RBL1: variants seen among roughly 807,000 people sequenced by gnomAD.
RBL1 encodes the protein retinoblastoma-like protein 1.
Under a neutral mutation model 123.0 loss-of-function variants are expected in RBL1, and 82 were observed. That is an observed-to-expected ratio of 0.67 (90% CI 0.56 to 0.80). RBL1 has a LOEUF of 0.80. RBL1 is among the 30% of genes least tolerant of loss of function. RBL1 has a pLI of 0.00. For synonymous variants in RBL1, 405 were observed against 441.3 expected, an observed-to-expected ratio of 0.92 and a Z score of 1.03; for missense variants, 1,171 against 1,299.6, an observed-to-expected ratio of 0.90 and a Z score of 1.52.
At chr20:37,036,087 G>A (rs1178355990) in intron 14 of RBL1, among the ~76,000 whole-genome samples, 1 of 152,100 alleles carries the variant, frequency 6.6e-6, no homozygotes, top group Non-Finnish European at 1.5e-5. Flanking sequence ...CAAAAATAAA[G>A]TAAGGATTAT....
chr20:37,080,228 C>T (rs2065426697), intron 2 of RBL1, among the ~76,000 whole-genome samples: 1 of 151,072 alleles, frequency 6.6e-6, no homozygotes, highest in South Asian at 2.1e-4. Flanking sequence ...GCAATCTTGG[C>T]TCACTGCCAC....
chr20:37,000,625 C>T (rs1426684558), intron 21 of RBL1, among the ~76,000 whole-genome samples: 2 of 142,648 alleles, frequency 1.4e-5, no homozygotes, highest in African/African-American at 5.2e-5. Context: ...GGCCAGCCGC[C>T]ACATCCGGGA....
intron 13 of RBL1, among the ~76,000 whole-genome samples, chr20:37,043,245 T>C (rs928469339): frequency 2.0e-5 from 3 of 151,002 alleles, no homozygotes; most frequent in Non-Finnish European, 4.4e-5. Flanking sequence ...TCCCAGCACT[T>C]TGGGAGGCTG....
intron 9 of RBL1, 142 bp from the exon 10 acceptor site, chr20:37,056,400 G>A: frequency 1.5e-6 from 2 of 1,299,636 alleles, no homozygotes; most frequent in Non-Finnish European, 2.0e-6. Context: ...TGTAACCCAG[G>A]CTGGAGTGCA....
chr20:37,088,895 A>C (rs969788754), intron 2 of RBL1, 94 bp downstream of exon 2: 1 of 847,246 alleles, frequency 1.2e-6, no homozygotes, highest in African/African-American at 1.8e-5. Context: ...AAATAAAATA[A>C]AAATTAAATG....
chr20:37,028,779 C>A (rs1034696922), intron 16 of RBL1, among the ~76,000 whole-genome samples: 1 of 152,108 alleles, frequency 6.6e-6, no homozygotes, highest in African/African-American at 2.4e-5. Flanking sequence ...AGAATCAAAC[C>A]CTGTGAGCCT....
chr20:37,088,485 A>G (rs1489441284), intron 2 of RBL1, among the ~76,000 whole-genome samples: 2 of 152,188 alleles, frequency 1.3e-5, no homozygotes, highest in Admixed American at 6.6e-5. Context: ...GATTCAACAC[A>G]GAGGTTTCTA....
At chr20:37,054,504 T>A in intron 11 of RBL1, among the ~76,000 whole-genome samples, 2 of 150,844 alleles carry the variant, frequency 1.3e-5, no homozygotes, top group Admixed American at 1.3e-4. Flanking sequence ...TAAATAAAAT[T>A]AAAAAAATTA....
chr20:37,044,118 C>A lies in RBL1; in HGVS notation c.1738G>T (p.Val580Phe), dbSNP rs1402527660. ...CAGGTAGGAACTTTGTTTGCAGAAACCTGGAGAGCCTCCCACAGTGCAGAA... is the reference window on the plus strand; with the variant it reads ...CAGGTAGGAACTTTGTTTGCAGAAAACTGGAGAGCCTCCCACAGTGCAGAA... Reference protein sequence around the residue: ...HDSALWEALQVSANKVPTCEE... With the variant: ...HDSALWEALQFSANKVPTCEE... The change falls in exon 13 of 22, where the codon GTT (valine) becomes TTT (phenylalanine). Residue 580 changes from valine to phenylalanine, a missense_variant. Coordinates refer to ENST00000373664, the MANE Select transcript of RBL1 (RefSeq NM_002895.5). 3.1e-6 allele frequency: 5 copies of A among 1,607,876 alleles called. No homozygotes were observed. The highest frequency in any genetic ancestry group is 3.4e-6 in the Non-Finnish European group (4 of 1,177,332).
intron 2 of RBL1, among the ~76,000 whole-genome samples, chr20:37,082,437 A>G (rs1027577515): frequency 1.3e-5 from 2 of 152,024 alleles, no homozygotes; most frequent in Admixed American, 6.6e-5. Flanking sequence ...TATGAATTTT[A>G]TGTTATATAT....
chr20:37,089,659 T>TAA (rs542194813), intron 1 of RBL1, among the ~76,000 whole-genome samples: 1,761 of 135,496 alleles, frequency 0.013, 40 homozygotes, highest in African/African-American at 0.045. Context: ...TCCTGTCTCT[T>TAA]AAAAAAAAAA....
At chr20:37,062,645 CAAAAAAAAA>C (rs60370479) in intron 7 of RBL1, among the ~76,000 whole-genome samples, 1 of 40,110 alleles carries the variant, frequency 2.5e-5, no homozygotes, top group African/African-American at 1.0e-4. Flanking sequence ...GACTCTGTCT[CAAAAAAAAA>C]AAAAAAAAAA....
intron 9 of RBL1, among the ~76,000 whole-genome samples, chr20:37,060,521 A>G (rs895038436): frequency 2.0e-5 from 3 of 152,074 alleles, no homozygotes; most frequent in Non-Finnish European, 2.9e-5. Flanking sequence ...ATGGTCGCTC[A>G]TGCCTGTAAT....
At chr20:37,070,503 A>G (rs1029711330) in intron 2 of RBL1, among the ~76,000 whole-genome samples, 1 of 152,040 alleles carries the variant, frequency 6.6e-6, no homozygotes, top group African/African-American at 2.4e-5. Flanking sequence ...AACATAAAAT[A>G]AAATAAAATT....
intron 19 of RBL1, among the ~76,000 whole-genome samples, chr20:37,012,099 G>A (rs1023966391): frequency 6.6e-6 from 1 of 152,190 alleles, no homozygotes; most frequent in East Asian, 1.9e-4. Flanking sequence ...TCCTAACCGC[G>A]AGTGATCCGC....
At chr20:37,031,203 T>A (rs964929377) in intron 16 of RBL1, among the ~76,000 whole-genome samples, 5 of 152,136 alleles carry the variant, frequency 3.3e-5, no homozygotes, top group African/African-American at 1.2e-4. Context: ...TTGACTTTAT[T>A]AAGATTAAAA....
chr20:37,046,646 C>T (rs746018314), intron 12 of RBL1, among the ~76,000 whole-genome samples: 1 of 148,250 alleles, frequency 6.7e-6, no homozygotes, highest in African/African-American at 2.5e-5. Context: ...TTGCTCCTGT[C>T]GTCTAGGCTG....
At chr20:37,048,020 T>C (rs188149173) in intron 11 of RBL1, among the ~76,000 whole-genome samples, 376 of 151,698 alleles carry the variant, frequency 2.5e-3, no homozygotes, top group Non-Finnish European at 3.6e-3. Context: ...AAAAAACAAG[T>C]ATCGCCCCAA....
At chr20:37,000,934 C>CGGGA (rs2063965878) in intron 21 of RBL1, among the ~76,000 whole-genome samples, 1 of 144,772 alleles carries the variant, frequency 6.9e-6, no homozygotes, top group Non-Finnish European at 1.5e-5. Flanking sequence ...CCGCCCCATC[C>CGGGA]GGGAGGTGAG....
Sources: gnomAD v4.1 joint callset for allele counts (sites outside exome capture counted in the v4.1 genomes callset) on GRCh38, gnomAD v4.1.1 for gene constraint, MANE v1.5 for transcripts, NCBI Gene and HGNC (gene_info 2026-07-23, HGNC 2026-07-21) for gene names.